Variants in PLOD1 observed in about 807,000 individuals in gnomAD.
PLOD1 encodes procollagen-lysine,2-oxoglutarate 5-dioxygenase 1.
A neutral mutation model predicts 94.7 loss-of-function variants in PLOD1; 70 were observed. The observed-to-expected ratio is 0.74, with a 90% CI of 0.61 to 0.90. The LOEUF is 0.90. Ranked by LOEUF, PLOD1 falls within the 40% of genes least tolerant of loss-of-function variation. PLOD1 has a pLI of 0.00. For missense variants in PLOD1, 905 were observed against 972.7 expected (o/e 0.93, Z 0.93); for synonymous variants, 417 against 400.2 (o/e 1.04, Z -0.50).
At chr1:11,953,868 A>C (rs975201684) in intron 5 of PLOD1, among the ~76,000 whole-genome samples, 1 of 151,514 alleles carries the variant, frequency 6.6e-6, no homozygotes, top group Non-Finnish European at 1.5e-5. Context: ...TATGTAGAAT[A>C]GTTTATTTAT....
chr1:11,937,559 A>T (rs1645588606), intron 1 of PLOD1, among the ~76,000 whole-genome samples: 1 of 152,120 alleles, frequency 6.6e-6, no homozygotes, highest in Non-Finnish European at 1.5e-5. Flanking sequence ...TTCTGCTGAC[A>T]TGGGGTGCCT....
At chr1:11,938,332 T>A (rs1645593875) in intron 1 of PLOD1, among the ~76,000 whole-genome samples, 1 of 152,124 alleles carries the variant, frequency 6.6e-6, no homozygotes, top group African/African-American at 2.4e-5. Context: ...AAACATCTGG[T>A]CTCTCATTGC....
At chr1:11,964,141 A>C in intron 11 of PLOD1, 34 bp from the exon 12 acceptor site, 1 of 1,611,340 alleles carries the variant, frequency 6.2e-7, no homozygotes, top group Non-Finnish European at 8.5e-7. Flanking sequence ...CCCAGTGGGC[A>C]GCGACCTCCT....
intron 18 of PLOD1, among the ~76,000 whole-genome samples, chr1:11,973,822 A>G (rs1396726723): frequency 1.3e-5 from 2 of 151,992 alleles, no homozygotes; most frequent in South Asian, 2.1e-4. Context: ...GAGAGCTTAC[A>G]ACAAACATAT....
chr1:11,964,318 G>T lies in PLOD1; in HGVS notation c.1328+18G>T. On this transcript the variant is annotated intron_variant, in intron 12 of 18. Coordinates refer to ENST00000196061, the MANE Select transcript of PLOD1 (RefSeq NM_000302.4). ...CGGCGTGTGTGAGTACCTGCAGGGTGGGGGTGGGTGGGGGACACCTTCATC... is the reference window on the plus strand; with the variant it reads ...CGGCGTGTGTGAGTACCTGCAGGGTTGGGGTGGGTGGGGGACACCTTCATC... The T allele has an allele frequency of 6.3e-7, 1 of 1,580,586 alleles. No individual in the cohort carries two copies. Among genetic ancestry groups the T allele is most frequent in the Non-Finnish European group, 8.7e-7 (1 of 1,152,116 alleles).
In PLOD1 at chr1:11,964,187, C is replaced by T; in HGVS notation, c.1215C>T (p.Ala405=). ...TCCCTTCCCTCAGGAACGTCATTGCCCCGCTGATGACCCGGCATGGGAGGC... is the reference window on the plus strand; with the variant it reads ...TCCCTTCCCTCAGGAACGTCATTGCTCCGCTGATGACCCGGCATGGGAGGC... ...LLIQQNKNVI[A]PLMTRHGRLW... is the part of the protein sequence containing the mutation. Residue 405 remains alanine, a synonymous_variant, in exon 12 of 19, where the codon GCC becomes GCT. Coordinates refer to ENST00000196061, the MANE Select transcript of PLOD1 (RefSeq NM_000302.4). The T allele has an allele frequency of 6.2e-7, 1 of 1,613,950 alleles. No homozygotes were observed.
chr1:11,945,591 C>A (rs1044149277), intron 1 of PLOD1, among the ~76,000 whole-genome samples: 1 of 152,090 alleles, frequency 6.6e-6, no homozygotes, highest in African/African-American at 2.4e-5. Context: ...TGGAGGAGGG[C>A]CTGCATGATG....
At chr1:11,964,327 T>TGGGGGGGGGGGGTGGGG in intron 12 of PLOD1, 27 bp downstream of exon 12, 2 of 546,368 alleles carry the variant, frequency 3.7e-6, no homozygotes, top group Non-Finnish European at 6.4e-6. Context: ...TGGGGGTGGG[T>TGGGGGGGGGGGGTGGGG]GGGGGACACC....
At chr1:11,961,557 G>T (rs1645778037) in intron 10 of PLOD1, among the ~76,000 whole-genome samples, 1 of 152,282 alleles carries the variant, frequency 6.6e-6, no homozygotes, top group Middle Eastern at 3.4e-3. Context: ...CACAGAGGCT[G>T]CATTCCAGCA....
rs923780490 is a variant in PLOD1, at chr1:11,934,734, C to T, written c.-46C>T. 5 of 1,517,680 alleles carry T rather than the reference C, an allele frequency of 3.3e-6. No individual in the cohort carries two copies. The African/African-American group carries it at 4.3e-5, about 13-fold the overall frequency. The allele number at this position is 1,517,680 out of a possible 1,614,324, so 94.0% of individuals were successfully genotyped here. A position where few individuals can be genotyped will look rare whatever the true frequency, so the allele number is the denominator to read the frequency against. On this transcript the variant is annotated 5_prime_UTR_variant, in exon 1 of 19. Coordinates refer to ENST00000196061, the MANE Select transcript of PLOD1 (RefSeq NM_000302.4). ...GCGGCCCCGTCGCGAAGTTTCCAGC[C>T]CTGCGAGCGCCGCCGGGTCGGCCGA...
intron 13 of PLOD1, 30 bp downstream of exon 13, chr1:11,964,815 C>T: frequency 1.2e-6 from 2 of 1,612,398 alleles, no homozygotes; most frequent in Non-Finnish European, 1.7e-6. Flanking sequence ...CACAGGACGC[C>T]CTCTGGATGG....
chr1:11,944,927 C>T (rs1489495161), intron 1 of PLOD1, among the ~76,000 whole-genome samples: 1 of 152,224 alleles, frequency 6.6e-6, no homozygotes, highest in Non-Finnish European at 1.5e-5. Flanking sequence ...TGCTGTCAAT[C>T]TGGCCACCAG....
chr1:11,950,793 C>T (rs1193398848), intron 4 of PLOD1, among the ~76,000 whole-genome samples: 1 of 152,082 alleles, frequency 6.6e-6, no homozygotes. Flanking sequence ...AGTCACCTGT[C>T]TACTACTTTT....
At chr1:11,944,797 G>A (rs986645158) in intron 1 of PLOD1, 20 of 549,882 alleles carry the variant, frequency 3.6e-5, no homozygotes, top group Admixed American at 4.3e-5. Flanking sequence ...TCCCTGCCCC[G>A]GCTACCCCTG....
chr1:11,959,973 A>G (rs1320364410), intron 9 of PLOD1, among the ~76,000 whole-genome samples: 2 of 134,200 alleles, frequency 1.5e-5, no homozygotes, highest in Non-Finnish European at 3.1e-5. Flanking sequence ...TGTGTCTCCC[A>G]GGCTAGAGTG....
chr1:11,949,314 A>G (rs927127838), intron 2 of PLOD1, among the ~76,000 whole-genome samples: 6 of 152,174 alleles, frequency 3.9e-5, no homozygotes, highest in Admixed American at 2.6e-4. Flanking sequence ...TTGGACAGGC[A>G]TGGTCACATG....
intron 16 of PLOD1, among the ~76,000 whole-genome samples, chr1:11,968,515 T>C (rs1645837823): frequency 6.6e-6 from 1 of 151,828 alleles, no homozygotes; most frequent in Non-Finnish European, 1.5e-5. Flanking sequence ...GATTTTCTTT[T>C]TTCTTTTTTT....
At chr1:11,953,849 T>C (rs1486712275) in intron 5 of PLOD1, among the ~76,000 whole-genome samples, 1 of 151,764 alleles carries the variant, frequency 6.6e-6, no homozygotes, top group African/African-American at 2.4e-5. Context: ...AGGATTAAAT[T>C]GATTAATATA....
chr1:11,948,649 G>T (rs1021115726), intron 2 of PLOD1, among the ~76,000 whole-genome samples: 1 of 152,088 alleles, frequency 6.6e-6, no homozygotes, highest in African/African-American at 2.4e-5. Flanking sequence ...AGAATCACTT[G>T]AACCTGGGAG....
Sources: allele counts gnomAD v4.1 joint callset (sites outside exome capture counted in the v4.1 genomes callset), GRCh38; gene constraint gnomAD v4.1.1; transcripts MANE v1.5; gene names NCBI Gene and HGNC (gene_info 2026-07-23, HGNC 2026-07-21).